The following CFAP54 variants were observed in gnomAD, a reference collection of about 807,000 sequenced individuals.
CFAP54 encodes cilia- and flagella-associated protein 54.
In CFAP54, 290 loss-of-function variants were observed where a neutral mutation model predicts 370.4. The ratio of observed to expected loss-of-function variants is 0.78; its 90% confidence interval spans 0.71 to 0.86. The LOEUF is 0.86. Ranked by LOEUF, CFAP54 falls within the 40% of genes least tolerant of loss-of-function variation. CFAP54 has a pLI of 0.00. For synonymous variants in CFAP54, 1,206 were observed against 1,236.5 expected (o/e 0.98, Z 0.52); for missense variants, 3,399 against 3,528.7 (o/e 0.96, Z 0.93).
intron 47 of CFAP54, among the ~76,000 whole-genome samples, chr12:96,708,052 A>G (rs1354691740): frequency 6.6e-6 from 1 of 152,138 alleles, no homozygotes; most frequent in Non-Finnish European, 1.5e-5. Context: ...CCAGGGATGC[A>G]GACCATAAGA....
intron 25 of CFAP54, among the ~76,000 whole-genome samples, chr12:96,595,186 G>C (rs1956165036): frequency 6.6e-6 from 1 of 152,132 alleles, no homozygotes; most frequent in Non-Finnish European, 1.5e-5. Flanking sequence ...TTGCCACATG[G>C]CCCTTCCACA....
In CFAP54 at chr12:96,595,618, G is replaced by T. The variant is rs769698127; in HGVS notation, c.3516+1172G>T. Among the ~76,000 whole-genome samples, 4 of 152,108 alleles carry T rather than the reference G, an allele frequency of 2.6e-5. No individual in the cohort carries two copies. The South Asian group carries it at 8.3e-4, about 32-fold the overall frequency. On this transcript the variant is annotated intron_variant, in intron 25 of 67. Coordinates refer to ENST00000524981, the MANE Select transcript of CFAP54 (RefSeq NM_001306084.2). ...ACTTAAAAAAGATTCACCTTGGAGG[G>T]GCTCTACGGAGCATAGGTGTGTCTC...
At position 96,623,897 on chromosome 12, in the gene CFAP54, C is replaced by A; in HGVS notation, c.3886+16C>A. 7.1e-7 allele frequency: 1 copy of A among 1,417,450 alleles called. No homozygotes were observed. Among genetic ancestry groups the A allele is most frequent in the Non-Finnish European group, 9.6e-7 (1 of 1,045,226 alleles). The allele number at this position is 1,417,450 out of a possible 1,614,324, so 87.8% of individuals were successfully genotyped here. On this transcript the variant is annotated intron_variant, in intron 28 of 67. Transcript: ENST00000524981. ...ACAAAGCAATGTAATCATTTGTTTT[C>A]TGTATACTTCCATTTAGCATTAAGT...
intron 50 of CFAP54, among the ~76,000 whole-genome samples, chr12:96,725,609 T>C (rs1356282161): frequency 2.0e-5 from 3 of 152,370 alleles, no homozygotes; most frequent in Non-Finnish European, 1.5e-5. Context: ...TATACAATCA[T>C]GTCATCTGCA....
intron 39 of CFAP54, among the ~76,000 whole-genome samples, chr12:96,665,346 T>A (rs1223477749): frequency 6.6e-6 from 1 of 152,136 alleles, no homozygotes; most frequent in Non-Finnish European, 1.5e-5. Flanking sequence ...TGTCAATTTT[T>A]GCTTTTGTTG....
intron 65 of CFAP54, among the ~76,000 whole-genome samples, chr12:96,822,489 G>A (rs1476690209): frequency 6.6e-6 from 1 of 152,144 alleles, no homozygotes; most frequent in Non-Finnish European, 1.5e-5. Flanking sequence ...AATTCTTTTT[G>A]AGGAACTATT....
intron 39 of CFAP54, among the ~76,000 whole-genome samples, chr12:96,677,043 C>T (rs543485924): frequency 6.7e-6 from 1 of 149,438 alleles, no homozygotes; most frequent in Non-Finnish European, 1.5e-5. Flanking sequence ...CACTCTGTCA[C>T]CCAGGCTGGA....
chr12:96,742,694 C>T lies in CFAP54; in HGVS notation c.7219+108C>T, dbSNP rs183559486. ...ATGTTAATGTTTTATAACTTTCTAG[C>T]TTGATCTGCTTATAGAATTAAAAAT... On this transcript the variant is annotated intron_variant, in intron 52 of 67. Transcript: ENST00000524981. 275 of 1,061,250 alleles carry T rather than the reference C, an allele frequency of 2.6e-4. No individual in the cohort carries two copies. The African/African-American group carries it at 4.3e-3, about 16-fold the overall frequency. The allele number at this position is 1,061,250 out of a possible 1,614,324, so 65.7% of individuals were successfully genotyped here. A position where few individuals can be genotyped will look rare whatever the true frequency, so the allele number is the denominator to read the frequency against.
chr12:96,836,513 G>C (rs1386124299), intron 66 of CFAP54, among the ~76,000 whole-genome samples: 2 of 152,176 alleles, frequency 1.3e-5, no homozygotes, highest in East Asian at 1.9e-4. Context: ...GAGATTACTA[G>C]CAGGACAGCT....
intron 55 of CFAP54, among the ~76,000 whole-genome samples, chr12:96,746,985 T>C (rs1045762189): frequency 2.6e-5 from 4 of 152,216 alleles, no homozygotes; most frequent in Non-Finnish European, 4.4e-5. Context: ...AACCCCCTTC[T>C]AATTGATTAT....
At chr12:96,711,544 C>A (rs1410504206) in intron 48 of CFAP54, among the ~76,000 whole-genome samples, 2 of 152,124 alleles carry the variant, frequency 1.3e-5, no homozygotes, top group African/African-American at 2.4e-5. Flanking sequence ...CTTAGTTGTG[C>A]CAGTTTGAAG....
At chr12:96,741,504 A>C (rs557978401) in intron 51 of CFAP54, among the ~76,000 whole-genome samples, 2 of 151,720 alleles carry the variant, frequency 1.3e-5, no homozygotes, top group Non-Finnish European at 2.9e-5. Context: ...ACCTTGCCCT[A>C]CTCTTCCTGT....
intron 19 of CFAP54, among the ~76,000 whole-genome samples, chr12:96,566,296 G>A (rs1955864861): frequency 6.6e-6 from 1 of 152,184 alleles, no homozygotes; most frequent in Middle Eastern, 3.2e-3. Context: ...AGATAATGTG[G>A]AGAGTGGGGA....
intron 4 of CFAP54, among the ~76,000 whole-genome samples, chr12:96,509,639 A>C (rs1296478650): frequency 1.3e-5 from 2 of 151,956 alleles, no homozygotes; most frequent in Non-Finnish European, 2.9e-5. Context: ...AACATGGTGA[A>C]ACTGGGTCTC....
rs34092422 is a variant in CFAP54 at position 96,823,138 on chromosome 12, CTGTG to C, written c.9096+5239_9096+5242del. Among the ~76,000 whole-genome samples, 407 of 148,044 alleles carry C rather than the reference CTGTG, an allele frequency of 2.7e-3. 5 individuals are homozygous for C. The highest frequency in any genetic ancestry group is 9.6e-3 in the African/African-American group (385 of 40,314). ...TGTGTTTGTCTGTGTGTGTGTGTGT[CTGTG>C]TGTGTGTGTGTGTTTTGAGAGAGAA... On this transcript the variant is annotated intron_variant, in intron 65 of 67. Coordinates refer to ENST00000524981, the MANE Select transcript of CFAP54 (RefSeq NM_001306084.2).
At chr12:96,637,816 A>G (rs1365922145) in intron 32 of CFAP54, among the ~76,000 whole-genome samples, 6 of 152,238 alleles carry the variant, frequency 3.9e-5, no homozygotes, top group Admixed American at 3.9e-4. Context: ...GATGGACTGC[A>G]TGTACAACGG....
intron 39 of CFAP54, among the ~76,000 whole-genome samples, chr12:96,664,620 GTA>G (rs1411838151): frequency 7.2e-5 from 4 of 55,480 alleles, no homozygotes; most frequent in Non-Finnish European, 1.4e-4. Context: ...TACCAAGAAC[GTA>G]TGTGTGTGTG....
intron 29 of CFAP54, 30 bp from the exon 30 acceptor site, chr12:96,626,783 A>T: frequency 8.1e-7 from 1 of 1,230,504 alleles, no homozygotes; most frequent in Non-Finnish European, 1.1e-6. Context: ...GTATATTGTT[A>T]ACTATATATG....
chr12:96,663,964 T>C (rs751091930), intron 39 of CFAP54, 32 bp downstream of exon 39: 1 of 1,512,444 alleles, frequency 6.6e-7, no homozygotes, highest in East Asian at 2.3e-5. Flanking sequence ...AATGTTTGTT[T>C]TCTCTAAATC....
Sources: gnomAD v4.1 joint callset for allele counts (sites outside exome capture counted in the v4.1 genomes callset) on GRCh38, gnomAD v4.1.1 for gene constraint, MANE v1.5 for transcripts, NCBI Gene and HGNC (gene_info 2026-07-23, HGNC 2026-07-21) for gene names.